Variants in SLC24A3 observed in about 807,000 individuals in gnomAD.
SLC24A3 encodes sodium/potassium/calcium exchanger 3.
SLC24A3 carries 28 observed loss-of-function variants against 75.8 expected under a neutral mutation model. The observed-to-expected ratio is 0.37, with a 90% CI of 0.27 to 0.51. The LOEUF (loss-of-function observed/expected upper bound fraction) is 0.51, where lower values mean the gene tolerates loss of function less well. Ranked by LOEUF, SLC24A3 falls within the 20% of genes least tolerant of loss-of-function variation. The pLI, the probability that SLC24A3 is intolerant of heterozygous loss-of-function variation, is 0.94. For synonymous variants in SLC24A3, 372 were observed against 334.1 expected (o/e 1.11, Z -1.24); for missense variants, 663 against 847.8 (o/e 0.78, Z 2.71).
At chr20:19,241,927 G>A (rs1023887344) in intron 1 of SLC24A3, among the ~76,000 whole-genome samples, 1 of 152,178 alleles carries the variant, frequency 6.6e-6, no homozygotes, top group Non-Finnish European at 1.5e-5. Flanking sequence ...TAGAAATGCT[G>A]AATAATAAGT....
chr20:19,455,090 C>T (rs1883691), intron 2 of SLC24A3, among the ~76,000 whole-genome samples: 21,784 of 152,086 alleles, frequency 0.14, 4,037 homozygotes, highest in African/African-American at 0.43. Context: ...ATGCCCATTC[C>T]CAAGCTAAGC....
chr20:19,427,259 A>G (rs1382295842), intron 2 of SLC24A3, among the ~76,000 whole-genome samples: 3 of 152,192 alleles, frequency 2.0e-5, no homozygotes, highest in Non-Finnish European at 4.4e-5. Context: ...TGAAAAAAGC[A>G]GCAAAAGCCA....
intron 2 of SLC24A3, among the ~76,000 whole-genome samples, chr20:19,359,380 T>C (rs919976980): frequency 2.0e-5 from 3 of 152,202 alleles, no homozygotes; most frequent in African/African-American, 7.2e-5. Flanking sequence ...TGTGTAGCTT[T>C]TCAGTACCTT....
intron 2 of SLC24A3, among the ~76,000 whole-genome samples, chr20:19,319,921 G>T (rs1215632132): frequency 6.6e-6 from 1 of 152,196 alleles, no homozygotes; most frequent in African/African-American, 2.4e-5. Context: ...TTGTCAAAGG[G>T]TGGTGGCTCC....
At chr20:19,707,498 T>C (rs980408895) in intron 15 of SLC24A3, among the ~76,000 whole-genome samples, 1 of 152,180 alleles carries the variant, frequency 6.6e-6, no homozygotes, top group Admixed American at 6.5e-5. Context: ...ATAACTACGA[T>C]TGAGGATTTT....
At chr20:19,410,314 A>C (rs1390519903) in intron 2 of SLC24A3, among the ~76,000 whole-genome samples, 1 of 152,170 alleles carries the variant, frequency 6.6e-6, no homozygotes, top group African/African-American at 2.4e-5. Flanking sequence ...TGAGGAAGCG[A>C]ACCCAGCGTG....
At chr20:19,457,402 C>G (rs1407304116) in intron 2 of SLC24A3, among the ~76,000 whole-genome samples, 2 of 152,142 alleles carry the variant, frequency 1.3e-5, no homozygotes, top group Non-Finnish European at 2.9e-5. Flanking sequence ...CAGACTAAAA[C>G]AAAAATTATT....
At chr20:19,224,121 AGTGTGT>A (rs11470026) in intron 1 of SLC24A3, among the ~76,000 whole-genome samples, 2,099 of 149,292 alleles carry the variant, frequency 0.014, 36 homozygotes, top group African/African-American at 0.047. Flanking sequence ...TGAGTGTGTG[AGTGTGT>A]GTGTGTGTGT....
intron 2 of SLC24A3, among the ~76,000 whole-genome samples, chr20:19,430,737 C>T (rs1181125799): frequency 6.6e-6 from 1 of 152,122 alleles, no homozygotes; most frequent in Non-Finnish European, 1.5e-5. Flanking sequence ...GGCCCATGCA[C>T]AAGCACAGCT....
chr20:19,663,620 G>C (rs2032364769), intron 7 of SLC24A3, among the ~76,000 whole-genome samples: 1 of 151,184 alleles, frequency 6.6e-6, no homozygotes. Flanking sequence ...CTTGTAGTGA[G>C]ATCACCTGCA....
At chr20:19,474,708 T>A (rs1302153791) in intron 2 of SLC24A3, among the ~76,000 whole-genome samples, 8 of 152,238 alleles carry the variant, frequency 5.3e-5, no homozygotes, top group Admixed American at 4.6e-4. Flanking sequence ...ATTCATCACC[T>A]CATGTTGGAA....
intron 3 of SLC24A3, among the ~76,000 whole-genome samples, chr20:19,558,321 T>C (rs146825932): frequency 8.0e-4 from 122 of 152,248 alleles, no homozygotes; most frequent in African/African-American, 2.3e-3. Flanking sequence ...CTTTTTATTT[T>C]GAAATAATTT....
At chr20:19,585,305 T>G in intron 5 of SLC24A3, 136 bp from the exon 6 acceptor site, 2 of 863,692 alleles carry the variant, frequency 2.3e-6, no homozygotes, top group Non-Finnish European at 3.7e-6. Context: ...CTCTGTAGAT[T>G]AGAAAGCTCT....
At chr20:19,471,970 A>G (rs1448182486) in intron 2 of SLC24A3, among the ~76,000 whole-genome samples, 1 of 152,242 alleles carries the variant, frequency 6.6e-6, no homozygotes, top group Non-Finnish European at 1.5e-5. Context: ...GGAATTTGCC[A>G]TGTAGTTCTT....
At position 19,639,113 on chromosome 20, in the gene SLC24A3, G is replaced by A. The variant is rs369277518; in HGVS notation, c.613-14949G>A. ...GCCCAGTGATCTGTTTTGACAGGGC[G>A]CTGATTGGTGCATTTACAATCCCTG... On this transcript the variant is annotated intron_variant, in intron 6 of 16. Coordinates refer to ENST00000328041, the MANE Select transcript of SLC24A3 (RefSeq NM_020689.4). 4.0e-3 allele frequency among the ~76,000 whole-genome samples: 602 copies of A among 152,216 alleles called. 3 individuals are homozygous for A. The highest frequency in any genetic ancestry group is 0.014 in the African/African-American group (561 of 41,542).
At chr20:19,341,145 G>A (rs1985263681) in intron 2 of SLC24A3, among the ~76,000 whole-genome samples, 1 of 152,232 alleles carries the variant, frequency 6.6e-6, no homozygotes, top group Non-Finnish European at 1.5e-5. Context: ...CTGGGATGTG[G>A]TCTGGGTAGC....
At chr20:19,225,672 G>C (rs1981850610) in intron 1 of SLC24A3, among the ~76,000 whole-genome samples, 2 of 152,084 alleles carry the variant, frequency 1.3e-5, no homozygotes, top group South Asian at 4.1e-4. Context: ...GAACGTCATA[G>C]ATGGAGTTCT....
chr20:19,701,426 T>G (rs1321342), intron 15 of SLC24A3, among the ~76,000 whole-genome samples: 1 of 151,986 alleles, frequency 6.6e-6, no homozygotes, highest in Admixed American at 6.5e-5. Flanking sequence ...AGGGTGGAGA[T>G]GGGAGATTAC....
intron 6 of SLC24A3, among the ~76,000 whole-genome samples, chr20:19,592,369 A>T (rs1443453347): frequency 6.6e-6 from 1 of 152,190 alleles, no homozygotes; most frequent in Non-Finnish European, 1.5e-5. Flanking sequence ...CACTCCTCTG[A>T]GTCCTTCTGT....
Sources: gnomAD v4.1 joint callset for allele counts (sites outside exome capture counted in the v4.1 genomes callset) on GRCh38, gnomAD v4.1.1 for gene constraint, MANE v1.5 for transcripts, NCBI Gene and HGNC (gene_info 2026-07-23, HGNC 2026-07-21) for gene names.